FAR2: variants seen among roughly 807,000 people sequenced by gnomAD.
FAR2 encodes fatty acyl-CoA reductase 2.
A neutral mutation model predicts 56.0 loss-of-function variants in FAR2; 19 were observed. That is an observed-to-expected ratio of 0.34 (90% confidence interval 0.24 to 0.50). The LOEUF (loss-of-function observed/expected upper bound fraction) is 0.50, where lower values mean the gene tolerates loss of function less well. Among genes scored for constraint, FAR2 ranks in the 20% least tolerant of loss-of-function variants. The pLI, the probability that FAR2 is intolerant of heterozygous loss-of-function variation, is 0.98. For missense variants in FAR2, 508 were observed against 642.2 expected, an observed-to-expected ratio of 0.79 and a Z score of 2.26; for synonymous variants, 219 against 218.8, an observed-to-expected ratio of 1.00 and a Z score of -0.01.
chr12:29,263,945 C>T (rs1212910216), intron 1 of FAR2, among the ~76,000 whole-genome samples: 2 of 151,902 alleles, frequency 1.3e-5, no homozygotes, highest in Admixed American at 1.3e-4. Flanking sequence ...GGAATACTTC[C>T]AAACTCATTT....
intron 11 of FAR2, 151 bp downstream of exon 11, chr12:29,332,878 T>C: frequency 1.3e-6 from 1 of 776,264 alleles, no homozygotes; most frequent in South Asian, 1.5e-5. Context: ...TGTAACACAG[T>C]TTCATTTAGA....
chr12:29,191,805 C>G lies in FAR2; in HGVS notation c.-39+42398C>G, dbSNP rs371442006. On this transcript the variant is annotated intron_variant, in intron 1 of 11. Coordinates refer to ENST00000536681, the MANE Select transcript of FAR2 (RefSeq NM_001271783.2). ...TGCTTCAGGCTTTCAGGGAGAGTAA[C>G]TTGAACTAAAAATTGTTTAAGAAGG... 3.3e-5 allele frequency among the ~76,000 whole-genome samples: 5 copies of G among 152,286 alleles called. No homozygotes were observed. In the East Asian group the frequency reaches 5.8e-4, roughly 18 times the overall value.
intron 1 of FAR2, among the ~76,000 whole-genome samples, chr12:29,194,580 G>A (rs1403383098): frequency 1.3e-5 from 2 of 150,668 alleles, no homozygotes; most frequent in Non-Finnish European, 3.0e-5. Flanking sequence ...GTATGAAGAG[G>A]TTTATTACTC....
chr12:29,302,410 AGTGGATAGAGT>A (rs1465795697), intron 4 of FAR2, among the ~76,000 whole-genome samples: 1 of 152,082 alleles, frequency 6.6e-6, no homozygotes, highest in Non-Finnish European at 1.5e-5. Context: ...GACTTGGAAG[AGTGGATAGAGT>A]GTGGATAGGT....
chr12:29,248,965 C>G (rs1227657178), intron 1 of FAR2, among the ~76,000 whole-genome samples: 1 of 152,172 alleles, frequency 6.6e-6, no homozygotes, highest in Non-Finnish European at 1.5e-5. Flanking sequence ...TTCTGTTATC[C>G]TGTTCTTTTT....
At chr12:29,170,645 T>TTC (rs913695932) in intron 1 of FAR2, among the ~76,000 whole-genome samples, 5 of 151,076 alleles carry the variant, frequency 3.3e-5, no homozygotes, top group Admixed American at 6.6e-5. Context: ...GTCTCTCTCT[T>TTC]TCTCTCTCTC....
chr12:29,159,494 C>A (rs535283624), intron 1 of FAR2, among the ~76,000 whole-genome samples: 1 of 145,150 alleles, frequency 6.9e-6, no homozygotes, highest in South Asian at 2.2e-4. Context: ...GCCAAGATTG[C>A]GCCACTGTGT....
intron 1 of FAR2, among the ~76,000 whole-genome samples, chr12:29,262,357 G>T (rs114134110): frequency 1.3e-5 from 2 of 152,148 alleles, no homozygotes; most frequent in Admixed American, 6.5e-5. Flanking sequence ...AAGGCTTGGC[G>T]TGGTGGCTCA....
intron 1 of FAR2, among the ~76,000 whole-genome samples, chr12:29,165,322 T>C (rs996790409): frequency 2.0e-5 from 3 of 152,222 alleles, no homozygotes; most frequent in African/African-American, 7.2e-5. Context: ...TTACAAATTA[T>C]GGCTGATTAA....
At chr12:29,265,922 C>T (rs904273951) in intron 1 of FAR2, among the ~76,000 whole-genome samples, 3 of 152,120 alleles carry the variant, frequency 2.0e-5, no homozygotes, top group Non-Finnish European at 4.4e-5. Flanking sequence ...AGGTGCTCAA[C>T]ATCACTGATC....
At chr12:29,254,415 G>T (rs1948281509) in intron 1 of FAR2, among the ~76,000 whole-genome samples, 1 of 152,148 alleles carries the variant, frequency 6.6e-6, no homozygotes, top group African/African-American at 2.4e-5. Flanking sequence ...TTTTAGGGCG[G>T]TCCCAAACTC....
intron 2 of FAR2, among the ~76,000 whole-genome samples, chr12:29,281,808 T>C (rs1830970599): frequency 6.6e-6 from 1 of 150,814 alleles, no homozygotes; most frequent in African/African-American, 2.4e-5. Context: ...GAGTGCCTAC[T>C]AAGTGTCAAG....
chr12:29,300,239 A>G (rs953575558), intron 4 of FAR2, among the ~76,000 whole-genome samples: 5 of 152,170 alleles, frequency 3.3e-5, no homozygotes, highest in Admixed American at 3.3e-4. Context: ...CCATATCCCC[A>G]CATCTTACCC....
chr12:29,255,913 A>G (rs1424406186), intron 1 of FAR2, among the ~76,000 whole-genome samples: 1 of 152,138 alleles, frequency 6.6e-6, no homozygotes, highest in Non-Finnish European at 1.5e-5. Context: ...TGTGTCACCC[A>G]GGCTTGAGTG....
At chr12:29,251,170 A>G (rs746002165) in intron 1 of FAR2, among the ~76,000 whole-genome samples, 2 of 152,210 alleles carry the variant, frequency 1.3e-5, no homozygotes, top group African/African-American at 2.4e-5. Flanking sequence ...AACTGAACAA[A>G]AAGTGTAGCT....
At chr12:29,154,627 GT>G (rs1949711333) in intron 1 of FAR2, among the ~76,000 whole-genome samples, 1 of 152,014 alleles carries the variant, frequency 6.6e-6, no homozygotes, top group South Asian at 2.1e-4. Flanking sequence ...TAGAGACGGG[GT>G]TTCACCGTGT....
intron 2 of FAR2, chr12:29,277,621 A>C (rs1292041671): frequency 6.6e-6 from 1 of 152,218 alleles, no homozygotes; most frequent in African/African-American, 2.4e-5. Flanking sequence ...GAGAGAAAAT[A>C]ACAAGTGACG....
At chr12:29,317,997 G>A (rs575912768) in intron 9 of FAR2, 1 of 152,764 alleles carries the variant, frequency 6.5e-6, no homozygotes, top group Non-Finnish European at 1.5e-5. Context: ...CCACCTAGCT[G>A]TGTGACACAG....
intron 1 of FAR2, among the ~76,000 whole-genome samples, chr12:29,182,517 G>A (rs2078199563): frequency 6.6e-6 from 1 of 152,152 alleles, no homozygotes; most frequent in Admixed American, 6.5e-5. Context: ...GCGCTGATTG[G>A]TGCATTTTTA....
Sources: allele counts gnomAD v4.1 joint callset (sites outside exome capture counted in the v4.1 genomes callset), GRCh38; gene constraint gnomAD v4.1.1; transcripts MANE v1.5; gene names NCBI Gene and HGNC (gene_info 2026-07-23, HGNC 2026-07-21).